GALM: variants seen among roughly 807,000 people sequenced by gnomAD.
GALM encodes galactose mutarotase.
In GALM, 43 loss-of-function variants were observed where a neutral mutation model predicts 37.4. The observed-to-expected ratio is 1.15, with a 90% CI of 0.90 to 1.48. The LOEUF is 1.48. Ranked by LOEUF, GALM falls within the 40% of genes most tolerant of loss-of-function variation. GALM has a pLI of 0.00. For missense variants in GALM, 456 were observed against 419.1 expected (o/e 1.09, Z -0.77); for synonymous variants, 199 against 170.6 (o/e 1.17, Z -1.30).
At chr2:38,707,670 A>C (rs143137362) in intron 4 of GALM, among the ~76,000 whole-genome samples, 74 of 152,322 alleles carry the variant, frequency 4.9e-4, no homozygotes, top group African/African-American at 1.7e-3. Context: ...CTGGTTCCCA[A>C]CTAGGCAGCT....
intron 1 of GALM, among the ~76,000 whole-genome samples, chr2:38,672,392 T>G (rs1384131234): frequency 6.6e-6 from 1 of 152,234 alleles, no homozygotes; most frequent in African/African-American, 2.4e-5. Flanking sequence ...TTGGGACTCC[T>G]TTTGGTTAAC....
rs370434118 is a variant in GALM at position 38,733,483 on chromosome 2, C to T, written c.952-5C>T. 2.1e-5 allele frequency: 34 copies of T among 1,613,098 alleles called. No individual in the cohort carries two copies. The highest frequency in any genetic ancestry group is 2.7e-5 in the Non-Finnish European group (32 of 1,179,280). On this transcript the variant is annotated splice_polypyrimidine_tract_variant and splice_region_variant and intron_variant, in intron 6 of 6. Coordinates refer to ENST00000272252, the MANE Select transcript of GALM (RefSeq NM_138801.3). ...AGCATCACCTGTGTTGTTTCCCCTT[C>T]ACAGCCCCGCTTCCCTCCTGTGCTG...
chr2:38,685,789 C>T (rs1665502350), intron 3 of GALM, among the ~76,000 whole-genome samples: 2 of 152,094 alleles, frequency 1.3e-5, no homozygotes, highest in East Asian at 1.9e-4. Context: ...GCAATCTCGG[C>T]TCACGGCAAT....
chr2:38,711,673 A>C (rs944608426), intron 4 of GALM, among the ~76,000 whole-genome samples: 1 of 150,638 alleles, frequency 6.6e-6, no homozygotes, highest in African/African-American at 2.5e-5. Context: ...TATGATTAGC[A>C]CTGTGTGTTA....
rs117813748 is a variant in GALM, at chr2:38,716,139, A to T, written c.635-13417A>T. On this transcript the variant is annotated intron_variant, in intron 4 of 6. Transcript: ENST00000272252. ...CCAGGGATATGCAGTTTGCCTAATC[A>T]GCCCTATTTTCTGAGCTATCATTAG... Among the ~76,000 whole-genome samples the T allele has an allele frequency of 7.5e-3, 1,139 of 152,330 alleles. 27 individuals are homozygous for T. The highest frequency in any genetic ancestry group is 0.063 in the East Asian group (326 of 5,182).
At chr2:38,722,642 C>T (rs908682025) in intron 4 of GALM, among the ~76,000 whole-genome samples, 20 of 152,322 alleles carry the variant, frequency 1.3e-4, no homozygotes, top group East Asian at 3.9e-4. Context: ...CTTCCATTTC[C>T]GCTTCTTTTT....
intron 4 of GALM, among the ~76,000 whole-genome samples, chr2:38,719,735 T>C (rs1018641074): frequency 2.6e-4 from 38 of 148,258 alleles, no homozygotes; most frequent in African/African-American, 7.2e-4. Context: ...GATCACGCCA[T>C]TGCACTCCAG....
chr2:38,680,712 TAA>T (rs528798132), intron 2 of GALM, among the ~76,000 whole-genome samples: 133 of 146,586 alleles, frequency 9.1e-4, no homozygotes, highest in African/African-American at 3.2e-3. Flanking sequence ...GCTACAAGAT[TAA>T]AAAAAAAAAT....
At chr2:38,689,926 G>A in intron 4 of GALM, 32 bp downstream of exon 4, 3 of 1,317,672 alleles carry the variant, frequency 2.3e-6, no homozygotes, top group Non-Finnish European at 3.2e-6. Context: ...GTGTTATGTG[G>A]GATCATGGAT....
intron 1 of GALM, among the ~76,000 whole-genome samples, chr2:38,670,368 A>G (rs1220155750): frequency 6.6e-6 from 1 of 152,234 alleles, no homozygotes; most frequent in Admixed American, 6.5e-5. Flanking sequence ...AAAAATAGAA[A>G]AAGTAAATTT....
intron 1 of GALM, among the ~76,000 whole-genome samples, chr2:38,671,718 A>C (rs1665110001): frequency 6.6e-6 from 1 of 152,206 alleles, no homozygotes; most frequent in Non-Finnish European, 1.5e-5. Flanking sequence ...CTCCAGGGGC[A>C]CAGTGGCTCT....
intron 4 of GALM, among the ~76,000 whole-genome samples, chr2:38,692,461 G>C (rs185741882): frequency 8.3e-4 from 127 of 152,172 alleles, no homozygotes; most frequent in African/African-American, 2.8e-3. Context: ...ATGTTGCCTA[G>C]GCTGGTCTTG....
intron 1 of GALM, among the ~76,000 whole-genome samples, chr2:38,673,864 G>A (rs1291640867): frequency 6.6e-6 from 1 of 151,428 alleles, no homozygotes; most frequent in Non-Finnish European, 1.5e-5. Flanking sequence ...TGGTAGATAT[G>A]TCATGACATG....
rs548215743 is a variant in GALM at position 38,716,267 on chromosome 2, T to G, written c.635-13289T>G. On this transcript the variant is annotated intron_variant, in intron 4 of 6. Transcript: ENST00000272252. The stretch of plus-strand genomic sequence containing the variant: ...CTTCTGCGCCTTTCGCGTGTCAGAT[T>G]GTTGTGTACGTGTTCAAGAGTATGG... Among the ~76,000 whole-genome samples the G allele has an allele frequency of 3.3e-5, 5 of 152,366 alleles. No individual in the cohort carries two copies. In the South Asian group the frequency reaches 6.2e-4, roughly 19 times the overall value.
chr2:38,672,580 G>A (rs551690411), intron 1 of GALM, among the ~76,000 whole-genome samples: 3 of 152,270 alleles, frequency 2.0e-5, no homozygotes, highest in African/African-American at 7.2e-5. Flanking sequence ...GAGCTAGACT[G>A]TCTGGATTCA....
intron 4 of GALM, among the ~76,000 whole-genome samples, chr2:38,715,135 A>G (rs1422120673): frequency 4.6e-5 from 7 of 152,210 alleles, no homozygotes; most frequent in Middle Eastern, 3.4e-3. Flanking sequence ...CGCTTTAAAC[A>G]TTTTTTGTTT....
At chr2:38,685,454 T>A (rs1665496784) in intron 3 of GALM, among the ~76,000 whole-genome samples, 2 of 152,174 alleles carry the variant, frequency 1.3e-5, no homozygotes, top group Non-Finnish European at 2.9e-5. Flanking sequence ...TATTGCACAA[T>A]GTCTTTAAAG....
intron 4 of GALM, among the ~76,000 whole-genome samples, chr2:38,716,044 G>A (rs1263271451): frequency 6.6e-6 from 1 of 152,182 alleles, no homozygotes; most frequent in Non-Finnish European, 1.5e-5. Context: ...TGCCAAACAG[G>A]TGAGCAGGAT....
intron 4 of GALM, among the ~76,000 whole-genome samples, chr2:38,700,675 T>G (rs1310190678): frequency 6.6e-6 from 1 of 152,188 alleles, no homozygotes; most frequent in Non-Finnish European, 1.5e-5. Flanking sequence ...TTTAATCCAT[T>G]CAGCCAGTCT....
Sources: gnomAD v4.1 joint callset for allele counts (sites outside exome capture counted in the v4.1 genomes callset) on GRCh38, gnomAD v4.1.1 for gene constraint, MANE v1.5 for transcripts, NCBI Gene and HGNC (gene_info 2026-07-23, HGNC 2026-07-21) for gene names.